ALKBH8: variants seen among roughly 807,000 people sequenced by gnomAD.
ALKBH8 encodes the protein tRNA (carboxymethyluridine(34)-5-O)-methyltransferase ALKBH8.
ALKBH8 carries 36 observed loss-of-function variants against 59.8 expected under a neutral mutation model. The observed-to-expected ratio is 0.60, with a 90% CI of 0.46 to 0.79. The LOEUF (loss-of-function observed/expected upper bound fraction) is 0.79. ALKBH8 is among the 30% of genes least tolerant of loss of function. The pLI is 0.00. For missense variants in ALKBH8, 768 were observed against 801.0 expected, an observed-to-expected ratio of 0.96 and a Z score of 0.50; for synonymous variants, 276 against 273.6, an observed-to-expected ratio of 1.01 and a Z score of -0.09.
rs1473698812 is a variant in ALKBH8 at position 107,503,799 on chromosome 11, AC to A, written c.*858del. 1 of 152,184 alleles carries A rather than the reference AC, an allele frequency of 6.6e-6. No homozygotes were observed. The highest frequency in any genetic ancestry group is 1.5e-5 in the Non-Finnish European group (1 of 68,020). 9.4% of individuals were successfully genotyped at this position (152,184 alleles called of 1,614,324 possible). Reference sequence around the variant, plus strand: ...GGAGCACATTTGGGTTGTTTTTAGCACCCTGCTCAATGAATTTGGAATACCA... The same window carrying A: ...GGAGCACATTTGGGTTGTTTTTAGCACCTGCTCAATGAATTTGGAATACCA... On this transcript the variant is annotated 3_prime_UTR_variant, in exon 12 of 12. Coordinates refer to ENST00000428149, the MANE Select transcript of ALKBH8 (RefSeq NM_138775.3).
At position 107,522,401 on chromosome 11, in the gene ALKBH8, C is replaced by A. The variant is rs1458493129; in HGVS notation, c.1185G>T (p.Pro395=). The A allele has an allele frequency of 2.2e-5, 34 of 1,551,580 alleles. No individual in the cohort carries two copies. The highest frequency in any genetic ancestry group is 2.9e-5 in the Non-Finnish European group (33 of 1,146,978). The change falls in exon 10 of 12, where the codon CCG becomes CCT. Residue 395 remains proline, a synonymous_variant. Coordinates refer to ENST00000428149, the MANE Select transcript of ALKBH8 (RefSeq NM_138775.3). ...AAGCCTTCAAAAACTCCACAATGTG[C>A]GGCCAAGGGGTATGTCTTGTGCTGC... The part of the protein sequence containing the change: ...HFSSTRHTPW[P]HIVEFLKALP...
intron 10 of ALKBH8, among the ~76,000 whole-genome samples, chr11:107,519,274 T>G (rs1176865405): frequency 6.6e-6 from 1 of 151,986 alleles, no homozygotes; most frequent in African/African-American, 2.4e-5. Flanking sequence ...ACTGGCTAAT[T>G]TTGTATTTTC....
chr11:107,540,502 C>T (rs1052278253), intron 7 of ALKBH8, among the ~76,000 whole-genome samples: 12 of 152,184 alleles, frequency 7.9e-5, no homozygotes, highest in Non-Finnish European at 1.8e-4. Context: ...ATATATGTTG[C>T]ATAACTGGAA....
At chr11:107,517,255 C>T (rs551515717) in intron 10 of ALKBH8, among the ~76,000 whole-genome samples, 2 of 152,106 alleles carry the variant, frequency 1.3e-5, no homozygotes, top group African/African-American at 2.4e-5. Context: ...ATCAAAGAGA[C>T]AAAAGATAAC....
At chr11:107,548,729 A>G (rs917983016) in intron 7 of ALKBH8, among the ~76,000 whole-genome samples, 2 of 152,230 alleles carry the variant, frequency 1.3e-5, no homozygotes, top group Non-Finnish European at 2.9e-5. Context: ...CTATACAAAT[A>G]CGGGAAAACA....
intron 7 of ALKBH8, among the ~76,000 whole-genome samples, chr11:107,543,316 C>G (rs1048167008): frequency 5.3e-5 from 8 of 151,906 alleles, no homozygotes; most frequent in African/African-American, 1.9e-4. Flanking sequence ...GCCTGGACAA[C>G]AGAGAGAGAC....
chr11:107,537,765 T>C (rs952149760), intron 7 of ALKBH8, among the ~76,000 whole-genome samples: 3 of 152,102 alleles, frequency 2.0e-5, no homozygotes, highest in African/African-American at 7.2e-5. Context: ...TACATGTTCT[T>C]ACATTTGCAT....
chr11:107,523,186 C>G (rs1312767907), intron 9 of ALKBH8, among the ~76,000 whole-genome samples: 1 of 152,076 alleles, frequency 6.6e-6, no homozygotes, highest in Non-Finnish European at 1.5e-5. Flanking sequence ...ACACTATTCA[C>G]AACAGCCAAG....
chr11:107,552,257 T>G (rs1864529223), intron 5 of ALKBH8, among the ~76,000 whole-genome samples: 1 of 151,784 alleles, frequency 6.6e-6, no homozygotes, highest in South Asian at 2.1e-4. Context: ...TTAAATTTAA[T>G]TATTTTAAAT....
At chr11:107,525,152 G>A (rs1863297591) in intron 9 of ALKBH8, among the ~76,000 whole-genome samples, 2 of 152,088 alleles carry the variant, frequency 1.3e-5, no homozygotes, top group South Asian at 4.1e-4. Flanking sequence ...CCCTTCAATT[G>A]TAGCACTCTT....
chr11:107,535,325 T>C (rs1358974953), intron 7 of ALKBH8, among the ~76,000 whole-genome samples: 5 of 152,220 alleles, frequency 3.3e-5, no homozygotes, highest in Admixed American at 2.6e-4. Context: ...TCAAGGAATC[T>C]CCACATTGTT....
intron 3 of ALKBH8, among the ~76,000 whole-genome samples, chr11:107,554,329 T>C (rs7481138): frequency 0.047 from 7,197 of 152,274 alleles, 545 homozygotes; most frequent in African/African-American, 0.16. Context: ...TACAAGAATT[T>C]AAATACTCAT....
chr11:107,550,587 G>A (rs761719202), intron 6 of ALKBH8, among the ~76,000 whole-genome samples: 5 of 152,204 alleles, frequency 3.3e-5, no homozygotes, highest in South Asian at 4.1e-4. Flanking sequence ...CAGTTGTCTC[G>A]CTGTGCTAGA....
chr11:107,544,066 T>C (rs1178028942), intron 7 of ALKBH8, among the ~76,000 whole-genome samples: 1 of 152,250 alleles, frequency 6.6e-6, no homozygotes, highest in Admixed American at 6.5e-5. Context: ...GTTTCATCTA[T>C]ACCACTTAAG....
rs1301358586 is a variant in ALKBH8 at position 107,504,159 on chromosome 11, C to T, written c.*499G>A. The T allele has an allele frequency of 2.7e-5, 6 of 224,710 alleles. No individual in the cohort carries two copies. Among genetic ancestry groups the T allele is most frequent in the Non-Finnish European group, 5.1e-5 (6 of 116,964 alleles). 13.9% of individuals were successfully genotyped at this position (224,710 alleles called of 1,614,324 possible). The stretch of plus-strand genomic sequence containing the variant: ...ATCTGATTGACTAAACGTTATTGGA[C>T]ACCCGCTATACGTCCAGCCCTGGGC... On this transcript the variant is annotated 3_prime_UTR_variant, in exon 12 of 12. Coordinates refer to ENST00000428149, the MANE Select transcript of ALKBH8 (RefSeq NM_138775.3).
intron 10 of ALKBH8, among the ~76,000 whole-genome samples, chr11:107,513,457 TCACC>T (rs1862724264): frequency 6.6e-6 from 1 of 152,156 alleles, no homozygotes; most frequent in African/African-American, 2.4e-5. Flanking sequence ...GGGAATGGGT[TCACC>T]CACTGTGGAA....
At chr11:107,520,806 A>G (rs1236677233) in intron 10 of ALKBH8, among the ~76,000 whole-genome samples, 4 of 152,216 alleles carry the variant, frequency 2.6e-5, no homozygotes, top group Non-Finnish European at 4.4e-5. Context: ...TACAAACTCT[A>G]CATTTCCTAA....
At chr11:107,549,284 C>T (rs1864398342) in intron 7 of ALKBH8, among the ~76,000 whole-genome samples, 1 of 152,206 alleles carries the variant, frequency 6.6e-6, no homozygotes, top group African/African-American at 2.4e-5. Flanking sequence ...ACCTCTTATT[C>T]TTCATCTGTA....
At chr11:107,508,173 CTTTTTTTTT>C (rs34261151) in intron 11 of ALKBH8, among the ~76,000 whole-genome samples, 1 of 134,338 alleles carries the variant, frequency 7.4e-6, no homozygotes, top group Non-Finnish European at 1.6e-5. Flanking sequence ...TTTTCAATGC[CTTTTTTTTT>C]TTTTTTTTTG....
Sources: allele counts gnomAD v4.1 joint callset (sites outside exome capture counted in the v4.1 genomes callset), GRCh38; gene constraint gnomAD v4.1.1; transcripts MANE v1.5; gene names NCBI Gene and HGNC (gene_info 2026-07-23, HGNC 2026-07-21).